CACNA1A: variants seen among roughly 807,000 people sequenced by gnomAD.
The protein encoded by CACNA1A is voltage-dependent P/Q-type calcium channel subunit alpha-1A.
Under a neutral mutation model 262.4 loss-of-function variants are expected in CACNA1A, and 57 were observed. That is an observed-to-expected ratio of 0.22 (90% CI 0.18 to 0.27). CACNA1A has a LOEUF of 0.27. CACNA1A is among the 10% of genes least tolerant of loss of function. The pLI is 1.00. For synonymous variants in CACNA1A, 1,431 were observed against 1,419.3 expected (o/e 1.01, Z -0.18); for missense variants, 2,526 against 3,562.8 (o/e 0.71, Z 7.41).
At chr19:13,234,179 C>T (rs181512338) in intron 34 of CACNA1A, among the ~76,000 whole-genome samples, 1,674 of 151,468 alleles carry the variant, frequency 0.011, 10 homozygotes, top group Non-Finnish European at 0.015. Flanking sequence ...GAAACCCCGA[C>T]TCTACTAAAA....
At chr19:13,300,762 A>C in intron 17 of CACNA1A, 106 bp from the exon 18 acceptor site, 2 of 889,226 alleles carry the variant, frequency 2.2e-6, no homozygotes, top group Non-Finnish European at 3.8e-6. Context: ...ATTTCGACCA[A>C]TCAGAACCAA....
At chr19:13,277,029 A>G (rs1368495654) in intron 23 of CACNA1A, 40 bp downstream of exon 23, 1 of 1,492,078 alleles carries the variant, frequency 6.7e-7, no homozygotes, top group Admixed American at 1.7e-5. Flanking sequence ...TGCTTAAAAA[A>G]AAAAATTACC....
rs563833578 is a variant in CACNA1A at position 13,317,214 on chromosome 19, T to C, written c.1453A>G (p.Thr485Ala). The C allele has an allele frequency of 6.2e-7, 1 of 1,613,630 alleles. No individual in the cohort carries two copies. The highest frequency in any genetic ancestry group is 1.3e-5 in the African/African-American group (1 of 74,998). Reference protein sequence around the residue: ...MRFYIRRMVKTQAFYWTVLSL... With the variant: ...MRFYIRRMVKAQAFYWTVLSL... ...AGTACAGTCCAGTAGAAGGCCTGAGTTTTGACCATGCGGCGGATGTAGAAA... is the reference window on the plus strand; with the variant it reads ...AGTACAGTCCAGTAGAAGGCCTGAGCTTTGACCATGCGGCGGATGTAGAAA... The change falls in exon 11 of 47, where the codon ACT (threonine) becomes GCT (alanine). Residue 485 changes from threonine to alanine, a missense_variant. By Grantham distance (58) the Thr-to-Ala change is moderately conservative. Around this residue, in one of 17 missense-constraint regions of CACNA1A, gnomAD observed 102 missense variants for 278.9 expected, o/e 0.37. Coordinates refer to ENST00000360228, the MANE Select transcript of CACNA1A (RefSeq NM_001127222.2).
intron 21 of CACNA1A, 130 bp downstream of exon 21, chr19:13,284,938 T>A (rs1352844899): frequency 1.2e-5 from 10 of 809,062 alleles, no homozygotes; most frequent in Non-Finnish European, 1.8e-5. Flanking sequence ...GCATCCATTT[T>A]CAACTTGTTC....
At chr19:13,287,491 T>C (rs1217360215) in intron 19 of CACNA1A, among the ~76,000 whole-genome samples, 1 of 152,084 alleles carries the variant, frequency 6.6e-6, no homozygotes, top group Non-Finnish European at 1.5e-5. Flanking sequence ...CATGGACAGG[T>C]TTCCACAACT....
chr19:13,472,268 G>C (rs1203997649), intron 1 of CACNA1A, among the ~76,000 whole-genome samples: 1 of 151,828 alleles, frequency 6.6e-6, no homozygotes, highest in Non-Finnish European at 1.5e-5. Context: ...ACCATGCCCA[G>C]CTAAAAAATA....
chr19:13,275,953 T>A lies in CACNA1A; in HGVS notation c.3886A>T (p.Ile1296Phe). The A allele has an allele frequency of 6.2e-7, 1 of 1,608,760 alleles. No homozygotes were observed. The highest frequency in any genetic ancestry group is 8.5e-7 in the Non-Finnish European group (1 of 1,175,304). ...VFTFEMVIKMIDLGLVLHQGA... is the reference protein window; with the variant it reads ...VFTFEMVIKMFDLGLVLHQGA... ...TGATGCAGGACGAGCCCCAGGTCAA[T>A]CATCTGTGGGGGAGAAGAGAGGGTG... Residue 1296 changes from isoleucine to phenylalanine, a missense_variant, in exon 24 of 47, where the codon ATT becomes TTT. Coordinates refer to ENST00000360228, the MANE Select transcript of CACNA1A (RefSeq NM_001127222.2).
chr19:13,409,582 A>G (rs8103959), intron 3 of CACNA1A, among the ~76,000 whole-genome samples: 9,166 of 152,116 alleles, frequency 0.06, 918 homozygotes, highest in African/African-American at 0.21. Context: ...GTCTTATTCT[A>G]TCACCCAGGC....
At chr19:13,336,600 A>AGAGGGAGAGAGAGG (rs750476134) in intron 6 of CACNA1A, among the ~76,000 whole-genome samples, 7 of 110,930 alleles carry the variant, frequency 6.3e-5, no homozygotes, top group South Asian at 3.8e-4. Context: ...AGAGGGAGAG[A>AGAGGGAGAGAGAGG]GAGAGAGAGA....
intron 38 of CACNA1A, among the ~76,000 whole-genome samples, chr19:13,217,817 A>T (rs564475161): frequency 2.0e-5 from 3 of 152,040 alleles, no homozygotes; most frequent in Non-Finnish European, 4.4e-5. Flanking sequence ...CGATGAAAGG[A>T]CTGGCCCATT....
intron 1 of CACNA1A, among the ~76,000 whole-genome samples, chr19:13,498,763 C>T (rs948747625): frequency 2.0e-5 from 3 of 152,194 alleles, no homozygotes; most frequent in Non-Finnish European, 4.4e-5. Context: ...GACTCTCCCC[C>T]TTTCTTGGTC....
intron 3 of CACNA1A, among the ~76,000 whole-genome samples, chr19:13,402,915 T>TATATATAC (rs1416419043): frequency 8.2e-6 from 1 of 121,978 alleles, no homozygotes; most frequent in Admixed American, 8.6e-5. Flanking sequence ...TATATATATA[T>TATATATAC]ACTTGCAAGT....
At chr19:13,485,858 A>G (rs1043292855) in intron 1 of CACNA1A, among the ~76,000 whole-genome samples, 5 of 152,242 alleles carry the variant, frequency 3.3e-5, no homozygotes, top group Non-Finnish European at 5.9e-5. Context: ...ACAATTTCAC[A>G]CAGAGCGATG....
At chr19:13,413,306 CT>C (rs1446122484) in intron 3 of CACNA1A, among the ~76,000 whole-genome samples, 1 of 151,152 alleles carries the variant, frequency 6.6e-6, no homozygotes, top group Non-Finnish European at 1.5e-5. Context: ...TGGGGTTTCA[CT>C]GTGTTAGCCA....
At chr19:13,485,473 T>C (rs957183847) in intron 1 of CACNA1A, among the ~76,000 whole-genome samples, 7 of 151,316 alleles carry the variant, frequency 4.6e-5, no homozygotes, top group Non-Finnish European at 8.8e-5. Context: ...GCACAACATA[T>C]AATGATGAAG....
chr19:13,209,357 G>T lies in CACNA1A; in HGVS notation c.6481C>A (p.Arg2161Ser). The T allele has an allele frequency of 7.2e-7, 1 of 1,390,030 alleles. No individual in the cohort carries two copies. The highest frequency in any genetic ancestry group is 9.4e-7 in the Non-Finnish European group (1 of 1,067,598). 86.1% of individuals were successfully genotyped at this position (1,390,030 alleles called of 1,614,324 possible). A position where few individuals can be genotyped will look rare whatever the true frequency, so the allele number is the denominator to read the frequency against. ...CGGCCCAGGGAGCGCTCAGAGGCGC[G>T]GTGGCTGCGGTCGCGGCGCCGCTGG... The part of the protein sequence containing the change: ...HHQRRRDRSH[R>S]ASERSLGRYT... Residue 2161 changes from arginine (R) to serine (S), a missense_variant, in exon 45 of 47, where the codon CGC becomes AGC. Arg to Ser is a moderately radical substitution (Grantham distance 110, BLOSUM62 -1). Coordinates refer to ENST00000360228, the MANE Select transcript of CACNA1A (RefSeq NM_001127222.2).
chr19:13,451,349 G>C (rs1282885376), intron 3 of CACNA1A: 5 of 152,344 alleles, frequency 3.3e-5, no homozygotes, highest in Non-Finnish European at 7.3e-5. Flanking sequence ...AACATGGAAA[G>C]CTATGATCCT....
rs558550631 is a variant in CACNA1A, at chr19:13,473,973, T to G, written c.294-18761A>C. Among the ~76,000 whole-genome samples the G allele has an allele frequency of 9.2e-5, 14 of 152,268 alleles. No homozygotes were observed. The South Asian group carries it at 2.5e-3, about 27-fold the overall frequency. ...CTCCCCACTGCACTTCCCCAAATAT[T>G]TGGGTCTGCCTCGCCTTTTCCATCA... On this transcript the variant is annotated intron_variant, in intron 1 of 46. Transcript: ENST00000360228.
chr19:13,228,758 G>T, intron 36 of CACNA1A: 1 of 1,600,514 alleles, frequency 6.2e-7, no homozygotes, highest in Non-Finnish European at 8.5e-7. Context: ...GATATTACTC[G>T]TAATAAACTG....
Sources: gnomAD v4.1 joint callset for allele counts (sites outside exome capture counted in the v4.1 genomes callset) on GRCh38, gnomAD v4.1.1 for gene constraint, gnomAD v4.1.1 regional missense constraint, MANE v1.5 for transcripts, NCBI Gene and HGNC (gene_info 2026-07-23, HGNC 2026-07-21) for gene names.